The following UMOD variants were observed in gnomAD, a reference collection of about 807,000 sequenced individuals.
The protein encoded by UMOD is uromodulin, also known as Tamm-Horsfall urinary glycoprotein.
UMOD carries 64 observed loss-of-function variants against 66.0 expected under a neutral mutation model. The observed-to-expected ratio is 0.97, with a 90% CI of 0.79 to 1.19. The LOEUF is 1.19. UMOD is among the 50% of genes most tolerant of loss of function. The probability of loss-of-function intolerance (pLI) is 0.00; values close to 1 mark genes in which losing one functional copy is unlikely to be tolerated. For synonymous variants in UMOD, 398 were observed against 352.7 expected, an observed-to-expected ratio of 1.13 and a Z score of -1.44; for missense variants, 764 against 850.9, an observed-to-expected ratio of 0.90 and a Z score of 1.27.
rs1596547302 is a variant in UMOD, at chr16:20,341,277, T to C, written c.1391A>G (p.Gln464Arg). Reference sequence around the variant, plus strand: ...GTAGGGCTGCGTGTAGGAAGGGGTCTGGAAGAGCGCCATCCGCACGGTGAA... The same window carrying C: ...GTAGGGCTGCGTGTAGGAAGGGGTCCGGAAGAGCGCCATCCGCACGGTGAA... ...GMFTVRMALF[Q>R]TPSYTQPYQG... is the part of the protein sequence containing the mutation. The change falls in exon 7 of 11, where the codon CAG becomes CGG. Residue 464 changes from glutamine to arginine, a missense_variant. By Grantham distance (43) the Gln-to-Arg change is conservative (BLOSUM62 1). Transcript: ENST00000396138. The C allele has an allele frequency of 6.2e-7, 1 of 1,614,054 alleles. No individual in the cohort carries two copies.
intron 7 of UMOD, among the ~76,000 whole-genome samples, chr16:20,340,460 A>ACG (rs1965133113): frequency 8.4e-6 from 1 of 118,754 alleles, no homozygotes; most frequent in South Asian, 3.4e-4. Context: ...GTGTATATAT[A>ACG]TGTGTGTGTG....
rs556656256 is a variant in UMOD at position 20,338,517 on chromosome 16, T to C, written c.1578-1064A>G. The stretch of plus-strand genomic sequence containing the variant: ...ACTTTTATTTTATTTTATTTTTAGA[T>C]GGGGTCTTGCTCTGCCACCCAGGCT... On this transcript the variant is annotated intron_variant, in intron 7 of 10. Transcript: ENST00000396138. Among the ~76,000 whole-genome samples the C allele has an allele frequency of 3.9e-5, 6 of 152,276 alleles. No individual in the cohort carries two copies. The East Asian group carries it at 9.7e-4, about 25-fold the overall frequency.
intron 7 of UMOD, among the ~76,000 whole-genome samples, chr16:20,340,736 T>A (rs1225653269): frequency 1.3e-5 from 2 of 152,196 alleles, no homozygotes; most frequent in South Asian, 2.1e-4. Context: ...GGCTCACACC[T>A]GTAATCCCAG....
At chr16:20,335,796 C>T (rs1045599484) in intron 9 of UMOD, among the ~76,000 whole-genome samples, 8 of 152,204 alleles carry the variant, frequency 5.3e-5, no homozygotes, top group Non-Finnish European at 1.0e-4. Context: ...GTTCCTTTAA[C>T]AGGCCAGGCT....
chr16:20,337,559 G>A (rs1964957148), intron 7 of UMOD, 106 bp from the exon 8 acceptor site: 2 of 1,418,784 alleles, frequency 1.4e-6, no homozygotes, highest in South Asian at 1.2e-5. Flanking sequence ...GTGTGACTTT[G>A]GGCAACTTAT....
upstream of UMOD, among the ~76,000 whole-genome samples, chr16:20,355,787 C>T (rs1966022224): frequency 6.6e-6 from 1 of 152,182 alleles, no homozygotes; most frequent in Non-Finnish European, 1.5e-5. Context: ...GAGCACTTCT[C>T]TTGGGTCAGA....
chr16:20,345,748 G>A (rs1222270571), intron 5 of UMOD, among the ~76,000 whole-genome samples: 1 of 151,922 alleles, frequency 6.6e-6, no homozygotes, highest in East Asian at 1.9e-4. Context: ...TGCCTTCCAG[G>A]ACCACTGGAG....
At chr16:20,353,628 T>G (rs1433166409), upstream of UMOD, among the ~76,000 whole-genome samples, 3 of 152,212 alleles carry the variant, frequency 2.0e-5, no homozygotes, top group African/African-American at 7.2e-5. Context: ...TAAAACCATG[T>G]CTTCAGACCC....
At chr16:20,335,110 G>A (rs1477288686) in intron 10 of UMOD, among the ~76,000 whole-genome samples, 1 of 152,210 alleles carries the variant, frequency 6.6e-6, no homozygotes, top group Non-Finnish European at 1.5e-5. Context: ...ATAGGCGTGA[G>A]CCACTGCGCC....
At chr16:20,350,609 T>TGCATACACACATATACAAC in intron 2 of UMOD, 41 bp downstream of exon 2, 1 of 1,610,860 alleles carries the variant, frequency 6.2e-7, no homozygotes, top group Non-Finnish European at 8.5e-7. Flanking sequence ...CACATACACG[T>TGCATACACACATATACAAC]GCATACACAC....
At chr16:20,351,577 G>T in intron 1 of UMOD, 1 of 152,636 alleles carries the variant, frequency 6.6e-6, no homozygotes, top group Non-Finnish European at 1.5e-5. Flanking sequence ...CTAAGTCTCC[G>T]TTTTTGTCTG....
At chr16:20,337,571 T>A in intron 7 of UMOD, 118 bp from the exon 8 acceptor site, 2 of 1,245,616 alleles carry the variant, frequency 1.6e-6, no homozygotes, top group Non-Finnish European at 2.3e-6. Context: ...GCAACTTATT[T>A]AATCTCTGTG....
At chr16:20,346,035 ACT>A (rs1965561980) in intron 5 of UMOD, 89 bp downstream of exon 5, 2 of 1,271,012 alleles carry the variant, frequency 1.6e-6, no homozygotes, top group South Asian at 2.6e-5. Context: ...AGGCTAAATA[ACT>A]CCCCAAAGCT....
At chr16:20,343,129 CAATAAATA>C (rs147846395) in intron 6 of UMOD, among the ~76,000 whole-genome samples, 4 of 115,914 alleles carry the variant, frequency 3.5e-5, no homozygotes, top group African/African-American at 8.2e-5. Flanking sequence ...GACTCCGTCT[CAATAAATA>C]AATAAATAAA....
Position 20,337,365 on chromosome 16 carries a change from C to A in UMOD, c.1666G>T (p.Ala556Ser). 1 of 1,614,216 alleles carries A rather than the reference C, an allele frequency of 6.2e-7. No homozygotes were observed. Among genetic ancestry groups the A allele is most frequent in the African/African-American group, 1.3e-5 (1 of 75,052 alleles). Reference protein sequence around the residue: ...GRFSVQMFRFAGNYDLVYLHC... With the variant: ...GRFSVQMFRFSGNYDLVYLHC... Reference sequence around the variant, plus strand: ...AGGTAGACTAGGTCATAGTTTCCAGCAAACCGGAACATCTGGACGGAAAAT... The same window carrying A: ...AGGTAGACTAGGTCATAGTTTCCAGAAAACCGGAACATCTGGACGGAAAAT... The change falls in exon 8 of 11, where the codon GCT (alanine) becomes TCT (serine). Residue 556 changes from alanine (A) to serine (S), a missense_variant. Physicochemically the swap from Ala to Ser is moderately conservative, Grantham distance 99 (BLOSUM62 1). Transcript: ENST00000396138.
chr16:20,349,675 C>A, intron 2 of UMOD: 1 of 1,462,900 alleles, frequency 6.8e-7, no homozygotes, highest in Non-Finnish European at 9.0e-7. Flanking sequence ...AAAATAGCCA[C>A]ATTCAGAAAA....
Position 20,348,316 on chromosome 16 carries a change from C to T in UMOD, c.880G>A (p.Glu294Lys), listed in dbSNP as rs991389270. The T allele has an allele frequency of 1.9e-6, 3 of 1,614,136 alleles. No homozygotes were observed. Among genetic ancestry groups the T allele is most frequent in the Non-Finnish European group, 2.5e-6 (3 of 1,180,060 alleles). The change falls in exon 4 of 11, where the codon GAG becomes AAG. Residue 294 changes from glutamate to lysine, a missense_variant. Glu to Lys is a moderately conservative substitution (Grantham distance 56). Transcript: ENST00000396138. The part of the protein sequence containing the change: ...LAYCTDPSSV[E>K]GTCEECSIDE... ...ATACTGCACTCCTCACACGTCCCCTCCACGGAGCTGGGGTCTGCAGGGTCA... is the reference window on the plus strand; with the variant it reads ...ATACTGCACTCCTCACACGTCCCCTTCACGGAGCTGGGGTCTGCAGGGTCA...
chr16:20,348,392 C>G lies in UMOD; in HGVS notation c.865+44G>C, dbSNP rs781391646. On this transcript the variant is annotated intron_variant, in intron 3 of 10. Coordinates refer to ENST00000396138, the MANE Select transcript of UMOD (RefSeq NM_003361.4). ...GACGCACCCCCGTCCTCTGCAGTGCCTTTCCAGGCCTGGGATGAGGACTGT... is the reference window on the plus strand; with the variant it reads ...GACGCACCCCCGTCCTCTGCAGTGCGTTTCCAGGCCTGGGATGAGGACTGT... 3.1e-6 allele frequency: 5 copies of G among 1,614,054 alleles called. No individual in the cohort carries two copies. The African/African-American group carries it at 5.3e-5, about 17-fold the overall frequency.
At chr16:20,354,897 T>C (rs76608863), upstream of UMOD, among the ~76,000 whole-genome samples, 450 of 152,270 alleles carry the variant, frequency 3.0e-3, 2 homozygotes, top group Non-Finnish European at 4.4e-3. Flanking sequence ...GGCCTCCTTT[T>C]TGGGGCTTTT....
Sources: gnomAD v4.1 joint callset for allele counts (sites outside exome capture counted in the v4.1 genomes callset) on GRCh38, gnomAD v4.1.1 for gene constraint, MANE v1.5 for transcripts, NCBI Gene and HGNC (gene_info 2026-07-23, HGNC 2026-07-21) for gene names.